KIAA1549L: variants seen among roughly 807,000 people sequenced by gnomAD.
KIAA1549L encodes the protein UPF0606 protein KIAA1549L.
A neutral mutation model predicts 160.7 loss-of-function variants in KIAA1549L; 88 were observed. The observed-to-expected ratio is 0.55, with a 90% CI of 0.46 to 0.65. The LOEUF is 0.65. KIAA1549L is among the 30% of genes least tolerant of loss of function. The pLI is 0.00. For synonymous variants in KIAA1549L, 950 were observed against 976.7 expected (o/e 0.97, Z 0.51); for missense variants, 2,258 against 2,437.5 (o/e 0.93, Z 1.55).
rs559509850 is a variant in KIAA1549L at position 33,389,083 on chromosome 11, G to A, written c.238+12194G>A. Among the ~76,000 whole-genome samples the A allele has an allele frequency of 6.6e-5, 10 of 152,298 alleles. No homozygotes were observed. In the East Asian group the frequency reaches 7.7e-4, roughly 12 times the overall value. ...TTAGCTAGAAATAAAATCTCCTGAC[G>A]TCAGACACACAAAATGGTTTTGGTA... On this transcript the variant is annotated intron_variant, in intron 1 of 20. Transcript: ENST00000658780.
intron 1 of KIAA1549L, among the ~76,000 whole-genome samples, chr11:33,424,345 C>G (rs796998980): frequency 5.9e-5 from 9 of 152,318 alleles, no homozygotes; most frequent in African/African-American, 2.2e-4. Flanking sequence ...TTCACCACAA[C>G]AAGTTCATTC....
At chr11:33,660,506 A>G (rs890029668) in intron 19 of KIAA1549L, among the ~76,000 whole-genome samples, 1 of 152,078 alleles carries the variant, frequency 6.6e-6, no homozygotes, top group Non-Finnish European at 1.5e-5. Context: ...AGGAGTTTGC[A>G]GTGAGCCAAG....
intron 1 of KIAA1549L, chr11:33,403,518 A>G (rs372337405): frequency 0.013 from 1,905 of 148,918 alleles, 29 homozygotes; most frequent in Non-Finnish European, 0.02. Context: ...ACACATGGAC[A>G]GACACGCAGA....
chr11:33,393,243 G>A (rs891032256), intron 1 of KIAA1549L, among the ~76,000 whole-genome samples: 1 of 151,958 alleles, frequency 6.6e-6, no homozygotes, highest in African/African-American at 2.4e-5. Flanking sequence ...AGCCTTGTCT[G>A]CATGATTACC....
At chr11:33,567,411 C>T (rs892984590) in intron 8 of KIAA1549L, among the ~76,000 whole-genome samples, 4 of 152,086 alleles carry the variant, frequency 2.6e-5, no homozygotes, top group Non-Finnish European at 4.4e-5. Context: ...TGACAAGTGC[C>T]ATAAGAGATA....
chr11:33,482,728 C>A (rs1852437938), intron 1 of KIAA1549L, among the ~76,000 whole-genome samples: 1 of 151,866 alleles, frequency 6.6e-6, no homozygotes, highest in Non-Finnish European at 1.5e-5. Flanking sequence ...TGCCACCATA[C>A]CTGGCTAATT....
chr11:33,473,802 C>T (rs1265845295), intron 1 of KIAA1549L, among the ~76,000 whole-genome samples: 4 of 152,158 alleles, frequency 2.6e-5, no homozygotes, highest in Non-Finnish European at 4.4e-5. Context: ...ATCCTACTCC[C>T]TTCTGGGAAG....
At chr11:33,383,795 C>T (rs1232818862) in intron 1 of KIAA1549L, among the ~76,000 whole-genome samples, 4 of 152,182 alleles carry the variant, frequency 2.6e-5, no homozygotes, top group Admixed American at 1.3e-4. Context: ...TGGCAGCCTG[C>T]ATGGGACCGA....
rs1420086745 is a variant in KIAA1549L at position 33,596,010 on chromosome 11, C to T, written c.4752-2810C>T. ...TGTTGGGCCAGGATGGAGAATCAACCGTTTACAGCTGTTTGCAAAGGGCAC... is the reference window on the plus strand; with the variant it reads ...TGTTGGGCCAGGATGGAGAATCAACTGTTTACAGCTGTTTGCAAAGGGCAC... On this transcript the variant is annotated intron_variant, in intron 12 of 20. Coordinates refer to ENST00000658780, the MANE Select transcript of KIAA1549L (RefSeq NM_012194.3). Among the ~76,000 whole-genome samples, 12 of 151,978 alleles carry T rather than the reference C, an allele frequency of 7.9e-5. 1 individual carries two copies. The highest frequency in any genetic ancestry group is 6.6e-4 in the Admixed American group (10 of 15,264).
intron 1 of KIAA1549L, among the ~76,000 whole-genome samples, chr11:33,456,220 A>G (rs778483153): frequency 1.1e-4 from 16 of 152,206 alleles, no homozygotes; most frequent in South Asian, 2.1e-4. Flanking sequence ...CAGAACTCCA[A>G]TCGATGACCT....
chr11:33,399,390 C>T (rs1850452218), intron 1 of KIAA1549L, among the ~76,000 whole-genome samples: 1 of 152,192 alleles, frequency 6.6e-6, no homozygotes, highest in Non-Finnish European at 1.5e-5. Context: ...AATCAAATGT[C>T]CTCTTTAGGA....
At chr11:33,485,123 T>G (rs1173878112) in intron 1 of KIAA1549L, among the ~76,000 whole-genome samples, 1 of 152,190 alleles carries the variant, frequency 6.6e-6, no homozygotes, top group African/African-American at 2.4e-5. Context: ...CTTATTTTGC[T>G]GCTGGGGCCT....
At chr11:33,551,830 C>G (rs1039309072) in intron 5 of KIAA1549L, among the ~76,000 whole-genome samples, 1 of 152,180 alleles carries the variant, frequency 6.6e-6, no homozygotes, top group African/African-American at 2.4e-5. Context: ...ATTTGTCAGT[C>G]TTTGAGCAGA....
chr11:33,495,128 T>A (rs1318466293), intron 1 of KIAA1549L, among the ~76,000 whole-genome samples: 1 of 152,008 alleles, frequency 6.6e-6, no homozygotes, highest in African/African-American at 2.4e-5. Flanking sequence ...TTTTTATTTT[T>A]ATTTATTATT....
At chr11:33,450,587 AC>A (rs1417869901) in intron 1 of KIAA1549L, 6 of 143,510 alleles carry the variant, frequency 4.2e-5, no homozygotes, top group Admixed American at 7.1e-5. Context: ...AACAACAACA[AC>A]AAAAAAGAAA....
At chr11:33,426,053 A>T (rs779170748) in intron 1 of KIAA1549L, among the ~76,000 whole-genome samples, 3 of 152,236 alleles carry the variant, frequency 2.0e-5, no homozygotes, top group Non-Finnish European at 4.4e-5. Flanking sequence ...ACTAAATGCA[A>T]TGTGGGACCC....
At chr11:33,397,927 T>C (rs1850419337) in intron 1 of KIAA1549L, among the ~76,000 whole-genome samples, 1 of 146,528 alleles carries the variant, frequency 6.8e-6, no homozygotes. Flanking sequence ...CTTTTTTTTT[T>C]TTTTTTTTCT....
chr11:33,591,167 A>T, intron 11 of KIAA1549L, 70 bp from the exon 12 acceptor site: 1 of 1,157,912 alleles, frequency 8.6e-7, no homozygotes, highest in African/African-American at 1.5e-5. Context: ...GCTGCCTGTC[A>T]TCTCTTAAAG....
At chr11:33,468,094 AT>A (rs1412458170) in intron 1 of KIAA1549L, among the ~76,000 whole-genome samples, 1 of 152,204 alleles carries the variant, frequency 6.6e-6, no homozygotes, top group Admixed American at 6.5e-5. Context: ...GTTTTTAATC[AT>A]TTTTTAAGTG....
Sources: gnomAD v4.1 joint callset for allele counts (sites outside exome capture counted in the v4.1 genomes callset) on GRCh38, gnomAD v4.1.1 for gene constraint, MANE v1.5 for transcripts, NCBI Gene and HGNC (gene_info 2026-07-23, HGNC 2026-07-21) for gene names.